Variants in ZNF354C observed in about 807,000 individuals in gnomAD.
The protein encoded by ZNF354C is KRAB-zinc finger protein synten.
ZNF354C carries 7 observed loss-of-function variants against 12.4 expected under a neutral mutation model. The observed-to-expected ratio is 0.56, with a 90% confidence interval of 0.32 to 1.06. The LOEUF (loss-of-function observed/expected upper bound fraction) is 1.06, where lower values mean the gene tolerates loss of function less well. ZNF354C is among the 50% of genes least tolerant of loss of function. ZNF354C has a pLI of 0.04. For missense variants in ZNF354C, 609 were observed against 658.0 expected, an observed-to-expected ratio of 0.93 and a Z score of 0.81; for synonymous variants, 202 against 224.5, an observed-to-expected ratio of 0.90 and a Z score of 0.90.
At position 179,061,137 on chromosome 5, in the gene ZNF354C, G is replaced by A. The variant is rs149446812; in HGVS notation, c.-55+471G>A. On this transcript the variant is annotated intron_variant, in intron 1 of 4. Coordinates refer to ENST00000315475, the MANE Select transcript of ZNF354C (RefSeq NM_014594.3). The stretch of plus-strand genomic sequence containing the variant: ...AGGCCTTGTGTGGCAGCTTCCCCTG[G>A]GCTGGTCGAGGCACCCGCTGGAACT... 5.5e-3 allele frequency among the ~76,000 whole-genome samples: 838 copies of A among 152,350 alleles called. 1 individual carries two copies. Among genetic ancestry groups the A allele is most frequent in the Non-Finnish European group, 7.9e-3 (538 of 68,030 alleles).
intron 4 of ZNF354C, 58 bp from the exon 5 acceptor site, chr5:179,078,625 G>T: frequency 1.4e-6 from 2 of 1,397,206 alleles, no homozygotes; most frequent in South Asian, 2.8e-5. Context: ...TTGTCTCACC[G>T]ATACATCAGT....
Position 179,083,508 on chromosome 5 carries a change from TAAA to T in ZNF354C, c.*3414_*3416del, listed in dbSNP as rs1275305545. 6.9e-6 allele frequency: 1 copy of T among 144,314 alleles called. No homozygotes were observed. Among genetic ancestry groups the T allele is most frequent in the Non-Finnish European group, 1.5e-5 (1 of 66,548 alleles). The allele number at this position is 144,314 out of a possible 1,614,324, so 8.9% of individuals were successfully genotyped here. A position where few individuals can be genotyped will look rare whatever the true frequency, so the allele number is the denominator to read the frequency against. On this transcript the variant is annotated 3_prime_UTR_variant, in exon 5 of 5. Coordinates refer to ENST00000315475, the MANE Select transcript of ZNF354C (RefSeq NM_014594.3). Reference sequence around the variant, plus strand: ...TTTTTCTATGTGTGTCAATTTTTAATAAAAATGCAAAAAGTGATTGGATAAAGA... The same window carrying T: ...TTTTTCTATGTGTGTCAATTTTTAATAATGCAAAAAGTGATTGGATAAAGA...
intron 2 of ZNF354C, among the ~76,000 whole-genome samples, chr5:179,065,378 T>C (rs1417482743): frequency 1.3e-5 from 2 of 152,088 alleles, no homozygotes; most frequent in Non-Finnish European, 2.9e-5. Context: ...ATAATAGTTT[T>C]GAGGAGTACT....
intron 2 of ZNF354C, among the ~76,000 whole-genome samples, chr5:179,065,044 T>G (rs1329055518): frequency 6.6e-6 from 1 of 152,236 alleles, no homozygotes; most frequent in Non-Finnish European, 1.5e-5. Context: ...ACTTTTTTGA[T>G]ATTGTCAGTA....
rs140719527 is a variant in ZNF354C at position 179,063,301 on chromosome 5, A to G, written c.27+1206A>G. Among the ~76,000 whole-genome samples, 3 of 152,332 alleles carry G rather than the reference A, an allele frequency of 2.0e-5. No individual in the cohort carries two copies. In the East Asian group the frequency reaches 5.8e-4, roughly 29 times the overall value. Reference sequence around the variant, plus strand: ...TAGCTGGGCACAGTAGCTCACGCCTATAATCCCAGCACTTTTGGGAGGCCA... The same window carrying G: ...TAGCTGGGCACAGTAGCTCACGCCTGTAATCCCAGCACTTTTGGGAGGCCA... On this transcript the variant is annotated intron_variant, in intron 2 of 4. Transcript: ENST00000315475.
chr5:179,082,782 T>C lies in ZNF354C; in HGVS notation c.*2685T>C, dbSNP rs1762246561. 4 of 1,343,896 alleles carry C rather than the reference T, an allele frequency of 3.0e-6. No homozygotes were observed. Among genetic ancestry groups the C allele is most frequent in the Non-Finnish European group, 4.3e-6 (4 of 935,114 alleles). 83.2% of individuals were successfully genotyped at this position (1,343,896 alleles called of 1,614,324 possible). ...CATTAGGCGAGGATCACTGGCATCATCCAGGGTGATGTTCTTCAAGCGACT... is the reference window on the plus strand; with the variant it reads ...CATTAGGCGAGGATCACTGGCATCACCCAGGGTGATGTTCTTCAAGCGACT... On this transcript the variant is annotated 3_prime_UTR_variant, in exon 5 of 5. Coordinates refer to ENST00000315475, the MANE Select transcript of ZNF354C (RefSeq NM_014594.3).
chr5:179,078,509 G>A (rs796555688), intron 4 of ZNF354C, among the ~76,000 whole-genome samples, 174 bp from the exon 5 acceptor site: 17 of 152,258 alleles, frequency 1.1e-4, no homozygotes, highest in African/African-American at 4.1e-4. Context: ...TCCTTAACCT[G>A]TTTACCTCAC....
chr5:179,076,930 C>T, intron 3 of ZNF354C, 141 bp from the exon 4 acceptor site: 1 of 729,152 alleles, frequency 1.4e-6, no homozygotes, highest in South Asian at 1.7e-5. Flanking sequence ...GCTCCAGTGC[C>T]CCTGCGAAGT....
Position 179,071,943 on chromosome 5 carries a change from C to T in ZNF354C, c.28-4502C>T, listed in dbSNP as rs538415289. Among the ~76,000 whole-genome samples the T allele has an allele frequency of 5.9e-5, 9 of 152,266 alleles. 1 individual carries two copies. The South Asian group carries it at 1.7e-3, about 28-fold the overall frequency. On this transcript the variant is annotated intron_variant, in intron 2 of 4. Coordinates refer to ENST00000315475, the MANE Select transcript of ZNF354C (RefSeq NM_014594.3). ...CGGAATTTGACTCCAACTAAATTAA[C>T]TACCTGCTTAAAAAAGTCAGTACTC... is the stretch of plus-strand genomic sequence containing the variant.
intron 2 of ZNF354C, among the ~76,000 whole-genome samples, chr5:179,063,196 CTGTA>C (rs1761916799): frequency 2.0e-5 from 3 of 152,212 alleles, no homozygotes; most frequent in Non-Finnish European, 2.9e-5. Flanking sequence ...TTTTATCTCT[CTGTA>C]CCCCATTTCC....
intron 2 of ZNF354C, among the ~76,000 whole-genome samples, chr5:179,064,331 G>A (rs1177006750): frequency 6.6e-6 from 1 of 150,930 alleles, no homozygotes; most frequent in Non-Finnish European, 1.5e-5. Context: ...AGGCTGGAAG[G>A]AACTCTTGGG....
intron 1 of ZNF354C, among the ~76,000 whole-genome samples, chr5:179,061,244 C>A (rs542292229): frequency 1.5e-4 from 23 of 152,330 alleles, no homozygotes; most frequent in Non-Finnish European, 2.9e-4. Flanking sequence ...GAGGCCCTCA[C>A]ACTTGCCCGG....
intron 1 of ZNF354C, 35 bp from the exon 2 acceptor site, chr5:179,061,980 G>T (rs536393474): frequency 1.4e-6 from 2 of 1,460,018 alleles, no homozygotes; most frequent in African/African-American, 2.8e-5. Flanking sequence ...ATCTCCTGAC[G>T]CCAGGGTTCC....
chr5:179,070,541 T>G (rs763964705), intron 2 of ZNF354C, among the ~76,000 whole-genome samples: 7 of 152,212 alleles, frequency 4.6e-5, no homozygotes, highest in Non-Finnish European at 8.8e-5. Context: ...TGCCCTAGTT[T>G]CTGTTTTATT....
chr5:179,075,862 A>G (rs754629484), intron 2 of ZNF354C, among the ~76,000 whole-genome samples: 21 of 152,230 alleles, frequency 1.4e-4, no homozygotes, highest in East Asian at 5.8e-4. Flanking sequence ...GTTGTCTTCA[A>G]TTGTTCACAT....
chr5:179,068,331 A>C (rs1761986695), intron 2 of ZNF354C, among the ~76,000 whole-genome samples: 1 of 152,232 alleles, frequency 6.6e-6, no homozygotes, highest in Non-Finnish European at 1.5e-5. Flanking sequence ...CTAACATTGC[A>C]CTGCGTGTTC....
In ZNF354C at chr5:179,082,947, C is replaced by G; in HGVS notation, c.*2850C>G. On this transcript the variant is annotated 3_prime_UTR_variant, in exon 5 of 5. Transcript: ENST00000315475. ...CTCATCTCCTGCCTGGAGCTCAAGG[C>G]CATCCTCAACTTCTTTCATATGGAA... 3.5e-6 allele frequency: 3 copies of G among 856,458 alleles called. No individual in the cohort carries two copies. Among genetic ancestry groups the G allele is most frequent in the Non-Finnish European group, 6.0e-6 (3 of 504,048 alleles). 53.1% of individuals were successfully genotyped at this position (856,458 alleles called of 1,614,324 possible).
chr5:179,068,731 G>A lies in ZNF354C; in HGVS notation c.27+6636G>A, dbSNP rs1158686901. 2.6e-5 allele frequency among the ~76,000 whole-genome samples: 4 copies of A among 152,142 alleles called. No homozygotes were observed. In the East Asian group the frequency reaches 5.8e-4, roughly 22 times the overall value. Reference sequence around the variant, plus strand: ...AGTGTCCTGTTAACAGCAACACGGAGCCTGTATTAGTGTGCCAGGGCACCA... The same window carrying A: ...AGTGTCCTGTTAACAGCAACACGGAACCTGTATTAGTGTGCCAGGGCACCA... On this transcript the variant is annotated intron_variant, in intron 2 of 4. Transcript: ENST00000315475.
chr5:179,068,644 G>T (rs1355968301), intron 2 of ZNF354C, among the ~76,000 whole-genome samples: 12 of 148,568 alleles, frequency 8.1e-5, no homozygotes, highest in Non-Finnish European at 1.8e-4. Flanking sequence ...TTTTTTCCTG[G>T]AAGTATTCTA....
Sources: gnomAD v4.1 joint callset for allele counts (sites outside exome capture counted in the v4.1 genomes callset) on GRCh38, gnomAD v4.1.1 for gene constraint, MANE v1.5 for transcripts, NCBI Gene and HGNC (gene_info 2026-07-23, HGNC 2026-07-21) for gene names.